SLC23A2: variants seen among roughly 807,000 people sequenced by gnomAD.
SLC23A2 encodes the protein solute carrier family 23 member 2.
SLC23A2 carries 36 observed loss-of-function variants against 73.3 expected under a neutral mutation model. That is an observed-to-expected ratio of 0.49 (90% confidence interval 0.38 to 0.65). SLC23A2 has a LOEUF of 0.65. Among genes scored for constraint, SLC23A2 ranks in the 30% least tolerant of loss-of-function variants. The pLI is 0.00. For synonymous variants in SLC23A2, 343 were observed against 327.3 expected (o/e 1.05, Z -0.52); for missense variants, 507 against 841.6 (o/e 0.60, Z 4.92).
chr20:5,007,145 C>T (rs2088200677), intron 1 of SLC23A2, among the ~76,000 whole-genome samples: 1 of 152,090 alleles, frequency 6.6e-6, no homozygotes, highest in Non-Finnish European at 1.5e-5. Context: ...CCCACTCCAC[C>T]GCCAGGCTTG....
intron 2 of SLC23A2, among the ~76,000 whole-genome samples, chr20:4,935,946 T>A (rs1600149502): frequency 6.6e-6 from 1 of 152,226 alleles, no homozygotes; most frequent in Non-Finnish European, 1.5e-5. Context: ...GCCTCTTTTG[T>A]GGCTTATCCC....
In SLC23A2 at chr20:4,883,880, G is replaced by T; in HGVS notation, c.643-57C>A. ...GAGCTGCTTGTACACTGCACACTCA[G>T]AATGTCACCTACAACCACAACTGAT... is the stretch of plus-strand genomic sequence containing the variant. On this transcript the variant is annotated intron_variant, in intron 8 of 16. Coordinates refer to ENST00000338244, the MANE Select transcript of SLC23A2 (RefSeq NM_005116.6). This position sits in a 1 kb window ranked among gnomAD's most constrained non-coding sequence, Gnocchi z 4.5. 2 of 1,179,258 alleles carry T rather than the reference G, an allele frequency of 1.7e-6. No homozygotes were observed. The highest frequency in any genetic ancestry group is 1.2e-6 in the Non-Finnish European group (1 of 839,136). The allele number at this position is 1,179,258 out of a possible 1,614,324, so 73.0% of individuals were successfully genotyped here. A position where few individuals can be genotyped will look rare whatever the true frequency, so the allele number is the denominator to read the frequency against.
At chr20:4,984,211 T>C (rs2087782295) in intron 1 of SLC23A2, among the ~76,000 whole-genome samples, 2 of 152,200 alleles carry the variant, frequency 1.3e-5, no homozygotes, top group African/African-American at 4.8e-5. Flanking sequence ...CAGTGAGCTA[T>C]GATCACTCTT....
intron 1 of SLC23A2, among the ~76,000 whole-genome samples, chr20:4,985,259 A>G (rs1443057926): frequency 6.6e-6 from 1 of 152,222 alleles, no homozygotes; most frequent in Admixed American, 6.5e-5. Flanking sequence ...AATGTTCATA[A>G]CAGCATTATT....
intron 5 of SLC23A2, among the ~76,000 whole-genome samples, chr20:4,901,511 C>T (rs1931743114): frequency 6.6e-6 from 1 of 152,128 alleles, no homozygotes; most frequent in Non-Finnish European, 1.5e-5. Context: ...TCCAAAACGT[C>T]CCGCGTTCAT....
chr20:4,859,243 T>TAAAAAAAAAAA (rs781271986), intron 16 of SLC23A2, 46 bp downstream of exon 16: 4 of 1,076,276 alleles, frequency 3.7e-6, no homozygotes, highest in African/African-American at 2.5e-5. Context: ...AACACATATG[T>TAAAAAAAAAAA]TAAAAAATAA....
rs1254189265 is a variant in SLC23A2 at position 4,863,338 on chromosome 20, TC to T, written c.1357-432del. Among the ~76,000 whole-genome samples the T allele has an allele frequency of 6.6e-6, 1 of 152,144 alleles. No individual in the cohort carries two copies. Among genetic ancestry groups the T allele is most frequent in the Admixed American group, 6.5e-5 (1 of 15,290 alleles). ...GAACCTCCTCTCCTCACGGCACGCTTCCCGTGAGAGGTGGAAAAGAGAAGGG... is the reference window on the plus strand; with the variant it reads ...GAACCTCCTCTCCTCACGGCACGCTTCCGTGAGAGGTGGAAAAGAGAAGGG... On this transcript the variant is annotated intron_variant, in intron 13 of 16. Transcript: ENST00000338244. This position sits in a 1 kb window ranked among gnomAD's most constrained non-coding sequence, Gnocchi z 4.8.
intron 2 of SLC23A2, among the ~76,000 whole-genome samples, chr20:4,933,296 A>C (rs1932809140): frequency 6.6e-6 from 1 of 152,086 alleles, no homozygotes; most frequent in Non-Finnish European, 1.5e-5. Flanking sequence ...AGGGGAAGAT[A>C]CTCAAAAGCA....
chr20:4,983,016 A>G (rs930819120), intron 1 of SLC23A2, among the ~76,000 whole-genome samples: 1 of 151,784 alleles, frequency 6.6e-6, no homozygotes, highest in African/African-American at 2.4e-5. Flanking sequence ...GAGGCAGGAG[A>G]ATCGCTTGAA....
chr20:4,862,709 G>T lies in SLC23A2; in HGVS notation c.1486+69C>A. On this transcript the variant is annotated intron_variant, in intron 14 of 16. Coordinates refer to ENST00000338244, the MANE Select transcript of SLC23A2 (RefSeq NM_005116.6). The surrounding 1 kb of genome is among the most constrained non-coding windows in gnomAD (Gnocchi z 5.1). Reference sequence around the variant, plus strand: ...GTTACCTTCTTACTGAAGGGAGTCAGCAAAAACACCATGACCCCTATTAAA... The same window carrying T: ...GTTACCTTCTTACTGAAGGGAGTCATCAAAAACACCATGACCCCTATTAAA... 7.0e-7 allele frequency: 1 copy of T among 1,425,538 alleles called. No individual in the cohort carries two copies. The highest frequency in any genetic ancestry group is 9.7e-7 in the Non-Finnish European group (1 of 1,035,558). 88.3% of individuals were successfully genotyped at this position (1,425,538 alleles called of 1,614,324 possible). A position where few individuals can be genotyped will look rare whatever the true frequency, so the allele number is the denominator to read the frequency against.
chr20:4,997,511 C>A (rs1195578785), intron 1 of SLC23A2, among the ~76,000 whole-genome samples: 2 of 151,960 alleles, frequency 1.3e-5, no homozygotes, highest in African/African-American at 4.8e-5. Context: ...CCACCACCAC[C>A]GAAAGAATTC....
At chr20:4,869,857 G>A in intron 12 of SLC23A2, 49 bp downstream of exon 12, 1 of 1,545,180 alleles carries the variant, frequency 6.5e-7, no homozygotes, top group Non-Finnish European at 8.8e-7. Flanking sequence ...TAAGAACAAA[G>A]TAACAAGGTG....
At chr20:4,886,591 C>A (rs551698149) in intron 6 of SLC23A2, among the ~76,000 whole-genome samples, 53 of 152,286 alleles carry the variant, frequency 3.5e-4, no homozygotes, top group African/African-American at 1.2e-3. Flanking sequence ...CCTCAAATGA[C>A]ATGATTTGAT....
intron 2 of SLC23A2, among the ~76,000 whole-genome samples, chr20:4,964,953 C>T (rs2087451952): frequency 6.6e-6 from 1 of 151,174 alleles, no homozygotes; most frequent in Non-Finnish European, 1.5e-5. Flanking sequence ...ACATGATTAT[C>T]TCCAGATGAT....
chr20:4,976,940 C>A (rs2087651607), intron 1 of SLC23A2, among the ~76,000 whole-genome samples: 1 of 151,944 alleles, frequency 6.6e-6, no homozygotes, highest in African/African-American at 2.4e-5. Context: ...CACACCACTG[C>A]ACTTCAGCCT....
chr20:4,971,368 C>T (rs1406448329), intron 1 of SLC23A2, among the ~76,000 whole-genome samples: 1 of 151,702 alleles, frequency 6.6e-6, no homozygotes, highest in East Asian at 1.9e-4. Context: ...CACCTGTGAT[C>T]CCAGCTACTC....
At chr20:4,938,826 C>T (rs1280302444) in intron 2 of SLC23A2, among the ~76,000 whole-genome samples, 2 of 152,190 alleles carry the variant, frequency 1.3e-5, no homozygotes, top group African/African-American at 4.8e-5. Flanking sequence ...CAGGCCTCTC[C>T]TATCTCTCAG....
intron 16 of SLC23A2, among the ~76,000 whole-genome samples, chr20:4,858,805 A>G (rs1327054355): frequency 2.6e-5 from 4 of 152,054 alleles, no homozygotes; most frequent in Non-Finnish European, 5.9e-5. Context: ...ATGATCCTGG[A>G]CCCCTGATCT....
chr20:4,881,704 C>A (rs1470308705), intron 9 of SLC23A2, among the ~76,000 whole-genome samples: 2 of 151,966 alleles, frequency 1.3e-5, no homozygotes, highest in Non-Finnish European at 2.9e-5. Flanking sequence ...ATTTTTTTGT[C>A]CTGTTTTCTT....
Sources: allele counts gnomAD v4.1 joint callset (sites outside exome capture counted in the v4.1 genomes callset), GRCh38; gene constraint gnomAD v4.1.1; non-coding constraint Gnocchi (gnomAD v3.1); transcripts MANE v1.5; gene names NCBI Gene and HGNC (gene_info 2026-07-23, HGNC 2026-07-21).